KIAA1671: variants seen among roughly 807,000 people sequenced by gnomAD.
KIAA1671 encodes the protein uncharacterized protein KIAA1671.
KIAA1671 carries 52 observed loss-of-function variants against 131.2 expected under a neutral mutation model. That is an observed-to-expected ratio of 0.40 (90% CI 0.32 to 0.50). The LOEUF (loss-of-function observed/expected upper bound fraction) is 0.50, where lower values mean the gene tolerates loss of function less well. KIAA1671 is among the 20% of genes least tolerant of loss of function. KIAA1671 has a pLI of 0.73. For missense variants in KIAA1671, 2,360 were observed against 2,364.2 expected (o/e 1.00, Z 0.04); for synonymous variants, 1,003 against 961.6 (o/e 1.04, Z -0.80).
chr22:24,973,226 G>C (rs558967474), intron 1 of KIAA1671, among the ~76,000 whole-genome samples: 1 of 152,206 alleles, frequency 6.6e-6, no homozygotes, highest in South Asian at 2.1e-4. Context: ...AAAGGGAATG[G>C]ACTTGTGCTC....
chr22:25,125,049 G>A (rs1378514476), intron 6 of KIAA1671, among the ~76,000 whole-genome samples: 1 of 152,214 alleles, frequency 6.6e-6, no homozygotes, highest in Non-Finnish European at 1.5e-5. Flanking sequence ...ATGAGCCACT[G>A]TTCCTGACTG....
rs60095044 is a variant in KIAA1671, at chr22:25,093,753, TC to T, written c.4530+44390del. On this transcript the variant is annotated intron_variant, in intron 6 of 12. Coordinates refer to ENST00000358431, the MANE Select transcript of KIAA1671 (RefSeq NM_001145206.2). ...CACACACACACTCTCTCTCTCTCTCTCTCTCTCTCTCTCTGTCTCTCTCTCT... is the reference window on the plus strand; with the variant it reads ...CACACACACACTCTCTCTCTCTCTCTTCTCTCTCTCTCTGTCTCTCTCTCT... Among the ~76,000 whole-genome samples the T allele has an allele frequency of 6.3e-4, 65 of 102,822 alleles. 1 individual carries two copies. Among genetic ancestry groups the T allele is most frequent in the African/African-American group, 2.3e-3 (46 of 19,762 alleles). 67.5% of individuals were successfully genotyped at this position (102,822 alleles called of 152,430 possible).
Position 25,177,372 on chromosome 22 carries a change from G to A in KIAA1671, c.4924G>A (p.Ala1642Thr). ...IDQTSVLDSS[A>T]LKTRVQLSKR... ...GCAAACCTCAGTCCTCGACTCAAGT[G>A]CCCTCAAGACCCGGGTGCAGCTCAG... The change falls in exon 9 of 13, where the codon GCC (alanine) becomes ACC (threonine). Residue 1642 changes from alanine (A) to threonine (T), a missense_variant. By Grantham distance (58) the Ala-to-Thr change is moderately conservative. Around this residue, in one of 3 missense-constraint regions of KIAA1671, gnomAD observed 1,161 missense variants for 1,204.7 expected, o/e 0.96. Transcript: ENST00000358431. 1 of 1,551,376 alleles carries A rather than the reference G, an allele frequency of 6.4e-7. No individual in the cohort carries two copies. Among genetic ancestry groups the A allele is most frequent in the Non-Finnish European group, 8.7e-7 (1 of 1,146,878 alleles).
chr22:25,005,083 C>G (rs775585805), intron 1 of KIAA1671, among the ~76,000 whole-genome samples: 1 of 151,986 alleles, frequency 6.6e-6, no homozygotes, highest in Non-Finnish European at 1.5e-5. Context: ...GGTGCAGTGG[C>G]TCACGCCTGT....
Position 25,028,159 on chromosome 22 carries a change from C to A in KIAA1671, c.160C>A (p.Leu54Met). ...PARILEAKSP[L>M]RSPARLLPLP... is the part of the protein sequence containing the mutation. The stretch of plus-strand genomic sequence containing the variant: ...CCGGATCTTGGAAGCGAAGAGCCCC[C>A]TGCGGAGCCCGGCCCGGTTACTCCC... Residue 54 changes from leucine to methionine, a missense_variant, in exon 3 of 13, where the codon CTG becomes ATG. By Grantham distance (15) the Leu-to-Met change is conservative. Coordinates refer to ENST00000358431, the MANE Select transcript of KIAA1671 (RefSeq NM_001145206.2). 6.4e-7 allele frequency: 1 copy of A among 1,550,718 alleles called. No individual in the cohort carries two copies. Among genetic ancestry groups the A allele is most frequent in the Non-Finnish European group, 8.7e-7 (1 of 1,146,512 alleles).
At chr22:25,045,488 G>C (rs1393246137) in intron 5 of KIAA1671, among the ~76,000 whole-genome samples, 1 of 152,206 alleles carries the variant, frequency 6.6e-6, no homozygotes, top group African/African-American at 2.4e-5. Flanking sequence ...AGGAACCCTG[G>C]TCTAGACACA....
Position 25,164,978 on chromosome 22 carries a change from CGTGTGTGTGTGTGTGTGTGT to C in KIAA1671, c.4531-5817_4531-5798del, listed in dbSNP as rs59765745. Among the ~76,000 whole-genome samples, 13 of 116,608 alleles carry C rather than the reference CGTGTGTGTGTGTGTGTGTGT, an allele frequency of 1.1e-4. No individual in the cohort carries two copies. In the South Asian group the frequency reaches 2.7e-3, roughly 25 times the overall value. 76.5% of individuals were successfully genotyped at this position (116,608 alleles called of 152,430 possible). The stretch of plus-strand genomic sequence containing the variant: ...AAAAAAAAAGAGAGAGAGTTGCAGG[CGTGTGTGTGTGTGTGTGTGT>C]GTGTGTGTGTGTGTGTGTGTGTGTC... On this transcript the variant is annotated intron_variant, in intron 6 of 12. Transcript: ENST00000358431.
chr22:25,191,469 G>A (rs2012004), intron 12 of KIAA1671, among the ~76,000 whole-genome samples: 49,585 of 152,082 alleles, frequency 0.33, 8,480 homozygotes, highest in East Asian at 0.47. Flanking sequence ...AATGGTTACA[G>A]TTTTTATAGG....
chr22:25,139,446 A>T (rs1932774448), intron 6 of KIAA1671, among the ~76,000 whole-genome samples: 1 of 152,218 alleles, frequency 6.6e-6, no homozygotes, highest in African/African-American at 2.4e-5. Context: ...TTGCTGTGTG[A>T]CCTTGAGTAA....
At chr22:25,143,908 T>G (rs748454659) in intron 6 of KIAA1671, among the ~76,000 whole-genome samples, 8 of 152,064 alleles carry the variant, frequency 5.3e-5, no homozygotes, top group Non-Finnish European at 7.4e-5. Flanking sequence ...TGGTGGCTCA[T>G]GTATGTAATC....
rs1176032256 is a variant in KIAA1671 at position 25,174,826 on chromosome 22, AC to A, written c.4899+341del. Reference sequence around the variant, plus strand: ...AGGTAAGCAGGGAGTCTGACCACTTACCCCTGGGAAGTCACCCTGAGGTTTA... The same window carrying A: ...AGGTAAGCAGGGAGTCTGACCACTTACCCTGGGAAGTCACCCTGAGGTTTA... On this transcript the variant is annotated intron_variant, in intron 8 of 12. Transcript: ENST00000358431. The A allele has an allele frequency of 1.1e-4, 22 of 202,264 alleles. No individual in the cohort carries two copies. The East Asian group carries it at 2.5e-3, about 23-fold the overall frequency. 12.5% of individuals were successfully genotyped at this position (202,264 alleles called of 1,614,324 possible). A position where few individuals can be genotyped will look rare whatever the true frequency, so the allele number is the denominator to read the frequency against.
chr22:25,190,041 TA>T (rs761829813), intron 11 of KIAA1671, among the ~76,000 whole-genome samples: 15 of 152,136 alleles, frequency 9.9e-5, no homozygotes, highest in Non-Finnish European at 1.6e-4. Flanking sequence ...ACCAGGGGTA[TA>T]GGGGGGTGGT....
chr22:25,009,675 G>C (rs1012428099), intron 1 of KIAA1671: 17 of 151,340 alleles, frequency 1.1e-4, no homozygotes, highest in African/African-American at 4.1e-4. Context: ...TCTGCCTCCC[G>C]GATTCAAGTG....
At chr22:25,112,262 G>A (rs1931400871) in intron 6 of KIAA1671, 1 of 398,910 alleles carries the variant, frequency 2.5e-6, no homozygotes, top group African/African-American at 2.1e-5. Context: ...CTTCCAGGAA[G>A]CCCTCAATTT....
intron 6 of KIAA1671, chr22:25,051,760 A>G (rs1320549211): frequency 6.6e-6 from 1 of 152,194 alleles, no homozygotes; most frequent in Non-Finnish European, 1.5e-5. Context: ...GCTCCTCTGG[A>G]AATTGGTCAT....
intron 6 of KIAA1671, among the ~76,000 whole-genome samples, chr22:25,069,597 G>A (rs992231782): frequency 2.6e-5 from 4 of 152,144 alleles, no homozygotes; most frequent in Admixed American, 6.5e-5. Context: ...AACTCACCGC[G>A]TGACCTTGGC....
chr22:25,184,321 C>T (rs950429326), intron 10 of KIAA1671, among the ~76,000 whole-genome samples: 3 of 152,320 alleles, frequency 2.0e-5, no homozygotes. Flanking sequence ...AACGAACTCA[C>T]ATTTGTCATA....
At chr22:25,145,459 T>G (rs1932862958) in intron 6 of KIAA1671, among the ~76,000 whole-genome samples, 1 of 152,152 alleles carries the variant, frequency 6.6e-6, no homozygotes, top group South Asian at 2.1e-4. Flanking sequence ...AGGGACATGG[T>G]GTAGGAACAT....
intron 6 of KIAA1671, among the ~76,000 whole-genome samples, chr22:25,103,209 C>T (rs1003337773): frequency 6.5e-4 from 76 of 117,786 alleles, no homozygotes; most frequent in Non-Finnish European, 9.5e-4. Context: ...CCCCCCCAAC[C>T]GCCTTTTTTT....
Sources: gnomAD v4.1 joint callset for allele counts (sites outside exome capture counted in the v4.1 genomes callset) on GRCh38, gnomAD v4.1.1 for gene constraint, gnomAD v4.1.1 regional missense constraint, MANE v1.5 for transcripts, NCBI Gene and HGNC (gene_info 2026-07-23, HGNC 2026-07-21) for gene names.